Variants in BCOR observed in about 807,000 individuals in gnomAD.
The protein encoded by BCOR is BCL-6 corepressor.
In BCOR, 10 loss-of-function variants were observed where a neutral mutation model predicts 86.7. The ratio of observed to expected loss-of-function variants is 0.12; its 90% CI spans 0.07 to 0.20. The LOEUF (loss-of-function observed/expected upper bound fraction) is 0.20. Ranked by LOEUF, BCOR falls within the 10% of genes least tolerant of loss-of-function variation. BCOR has a pLI of 1.00. For missense variants in BCOR, 1,259 were observed against 1,452.1 expected (o/e 0.87, Z 2.16); for synonymous variants, 611 against 609.0 (o/e 1.00, Z -0.05).
Position 40,094,605 on chromosome X carries a change from A to G in BCOR, c.-41+2610T>C, listed in dbSNP as rs374614609. ...ACAGGCGTCGTGCTTAGAGAACAAG[A>G]GATAGGCGCGGGAGGCGGGGAGGAG... On this transcript the variant is annotated intron_variant, in intron 1 of 14. Transcript: ENST00000378444. Among the ~76,000 whole-genome samples, 32 of 113,340 alleles carry G rather than the reference A, an allele frequency of 2.8e-4. 1 individual carries two copies. The East Asian group carries it at 6.1e-3, about 22-fold the overall frequency.
At chrX:40,175,509 C>T (rs1938726934) in intron 1 of BCOR, among the ~76,000 whole-genome samples, 1 of 113,569 alleles carries the variant, frequency 8.8e-6, no homozygotes, top group Admixed American at 9.2e-5. Context: ...AAGGCCCACC[C>T]CGATTCTGTG....
At chrX:40,162,170 A>G (rs996105953) in intron 1 of BCOR, among the ~76,000 whole-genome samples, 1 of 112,235 alleles carries the variant, frequency 8.9e-6, no homozygotes, top group Non-Finnish European at 1.9e-5. Flanking sequence ...TTTGACCTCT[A>G]TCTGTCCTGT....
chrX:40,096,181 C>G (rs760533547), intron 1 of BCOR, among the ~76,000 whole-genome samples: 2 of 112,536 alleles, frequency 1.8e-5, no homozygotes, highest in Non-Finnish European at 3.8e-5. Context: ...CCTTGCCACA[C>G]GCCCTCCGAG....
chrX:40,163,480 G>A (rs1938457714), intron 1 of BCOR, among the ~76,000 whole-genome samples: 1 of 110,701 alleles, frequency 9.0e-6, no homozygotes, highest in South Asian at 3.9e-4. Context: ...GCCTCTTGAG[G>A]GTAGAAACCC....
At position 40,069,013 on chromosome X, in the gene BCOR, C is replaced by G. The variant is rs977290063; in HGVS notation, c.3238+1960G>C. 4.4e-5 allele frequency among the ~76,000 whole-genome samples: 5 copies of G among 112,696 alleles called. No homozygotes were observed. In the East Asian group the frequency reaches 1.4e-3, roughly 32 times the overall value. On this transcript the variant is annotated intron_variant, in intron 6 of 14. Transcript: ENST00000378444. ...GTGACCCCTGCCTGCCCCAAATCCC[C>G]ACCCCAGTTTCCATATGCTCACAGC... is the stretch of plus-strand genomic sequence containing the variant.
chrX:40,104,361 T>C (rs1397626013), intron 1 of BCOR, among the ~76,000 whole-genome samples: 3 of 112,064 alleles, frequency 2.7e-5, no homozygotes, highest in African/African-American at 9.7e-5. Flanking sequence ...TCACACTCCC[T>C]AGAACCCGAA....
At chrX:40,053,069 C>T (rs889227444) in intron 14 of BCOR, among the ~76,000 whole-genome samples, 17 of 111,565 alleles carry the variant, frequency 1.5e-4, no homozygotes, top group African/African-American at 5.5e-4. Flanking sequence ...GAGAGTAAGT[C>T]TGTATCCCCA....
chrX:40,108,088 C>G (rs986217575), intron 1 of BCOR, among the ~76,000 whole-genome samples: 4 of 112,885 alleles, frequency 3.5e-5, no homozygotes, highest in African/African-American at 1.3e-4. Context: ...CCAAGCGCGC[C>G]GGATCCACAG....
chrX:40,081,285 C>T (rs947524254), intron 1 of BCOR, among the ~76,000 whole-genome samples: 7 of 111,732 alleles, frequency 6.3e-5, no homozygotes, highest in African/African-American at 2.3e-4. Context: ...CAAGCCTCTA[C>T]TGAAGAACAG....
intron 1 of BCOR, among the ~76,000 whole-genome samples, chrX:40,121,739 G>C: frequency 8.9e-6 from 1 of 112,658 alleles, no homozygotes; most frequent in Non-Finnish European, 1.9e-5. Flanking sequence ...ATTGAGCTGA[G>C]AAGGAACCAG....
chrX:40,154,726 G>A (rs893960666), intron 1 of BCOR, among the ~76,000 whole-genome samples: 24 of 112,294 alleles, frequency 2.1e-4, no homozygotes, highest in Non-Finnish European at 3.9e-4. Flanking sequence ...GGCAGTGCAG[G>A]GAGGGGACCC....
chrX:40,127,861 AAAATAAATAAATAAAT>A (rs56092715), intron 1 of BCOR, among the ~76,000 whole-genome samples: 169 of 85,919 alleles, frequency 2.0e-3, no homozygotes, highest in Non-Finnish European at 3.0e-3. Context: ...ACCTTGTCTC[AAAATAAATAAATAAAT>A]AAATAAATAA....
intron 1 of BCOR, among the ~76,000 whole-genome samples, chrX:40,080,151 G>A (rs1315647943): frequency 1.2e-5 from 1 of 85,144 alleles, no homozygotes; most frequent in African/African-American, 8.0e-5. Context: ...CTTTAAAAAA[G>A]CTGCCTCTGG....
intron 1 of BCOR, among the ~76,000 whole-genome samples, chrX:40,173,074 T>C (rs1371192975): frequency 1.8e-5 from 2 of 112,292 alleles, no homozygotes; most frequent in Non-Finnish European, 3.8e-5. Flanking sequence ...TTGGGCCTTC[T>C]AGTCTCTTCA....
At position 40,062,992 on chromosome X, in the gene BCOR, T is replaced by A. The variant is rs748201753; in HGVS notation, c.3927A>T (p.Pro1309=). The A allele has an allele frequency of 1.7e-6, 2 of 1,176,254 alleles. No homozygotes were observed. Among genetic ancestry groups the A allele is most frequent in the Admixed American group, 5.0e-5 (2 of 39,993 alleles). The change falls in exon 9 of 15, where the codon CCA becomes CCT. Residue 1309 remains proline (P), a synonymous_variant. Coordinates refer to ENST00000378444, the MANE Select transcript of BCOR (RefSeq NM_001123385.2). The part of the protein sequence containing the change: ...TSAGGKKQAQ[P]SCAPASRPPA... ...GCGGCCTGGAGGCTGGTGCGCAGCT[T>A]GGCTGAGCCTGCTTTTTGCCGCCTG...
At chrX:40,075,246 T>C (rs903772845) in intron 3 of BCOR, 66 bp from the exon 4 acceptor site, 3 of 995,878 alleles carry the variant, frequency 3.0e-6, no homozygotes, top group African/African-American at 2.0e-5. Context: ...CCAAAGACAC[T>C]GCCAACTAGT....
At chrX:40,096,384 G>A (rs757974650) in intron 1 of BCOR, among the ~76,000 whole-genome samples, 1 of 112,520 alleles carries the variant, frequency 8.9e-6, no homozygotes, top group South Asian at 3.7e-4. Context: ...CATCGGGGAG[G>A]GAGAGGAGGG....
chrX:40,086,654 T>C (rs928152990), intron 1 of BCOR, among the ~76,000 whole-genome samples: 2 of 113,958 alleles, frequency 1.8e-5, no homozygotes, highest in African/African-American at 3.2e-5. Flanking sequence ...GCCTGCATAG[T>C]GCGCGCTTTG....
chrX:40,096,098 C>A (rs367892129), intron 1 of BCOR, among the ~76,000 whole-genome samples: 1 of 112,637 alleles, frequency 8.9e-6, no homozygotes, highest in East Asian at 2.8e-4. Flanking sequence ...GCGCGGGCCC[C>A]GCGGCGCCTC....
Sources: gnomAD v4.1 joint callset for allele counts (sites outside exome capture counted in the v4.1 genomes callset) on GRCh38, gnomAD v4.1.1 for gene constraint, MANE v1.5 for transcripts, NCBI Gene and HGNC (gene_info 2026-07-23, HGNC 2026-07-21) for gene names.